Variants in TF observed in about 807,000 individuals in gnomAD.
The protein encoded by TF is transferrin.
TF carries 55 observed loss-of-function variants against 82.4 expected under a neutral mutation model. The ratio of observed to expected loss-of-function variants is 0.67; its 90% CI spans 0.54 to 0.84. TF has a LOEUF of 0.84. TF is among the 40% of genes least tolerant of loss of function. TF has a pLI of 0.00. For synonymous variants in TF, 332 were observed against 332.6 expected (o/e 1.00, Z 0.02); for missense variants, 737 against 868.4 (o/e 0.85, Z 1.90).
Position 133,778,758 on chromosome 3 carries a change from C to T in TF, c.*138C>T. 1 of 745,684 alleles carries T rather than the reference C, an allele frequency of 1.3e-6. No homozygotes were observed. The highest frequency in any genetic ancestry group is 3.0e-5 in the East Asian group (1 of 33,638). The allele number at this position is 745,684 out of a possible 1,614,324, so 46.2% of individuals were successfully genotyped here. Reference sequence around the variant, plus strand: ...GCTCTGTGTTGCCATGTGTGCTGAACAAAAAATAAAAATTATTATTGATTT... The same window carrying T: ...GCTCTGTGTTGCCATGTGTGCTGAATAAAAAATAAAAATTATTATTGATTT... On this transcript the variant is annotated 3_prime_UTR_variant, in exon 17 of 17. Transcript: ENST00000402696.
the TF span, among the ~76,000 whole-genome samples, chr3:133,675,242 CAAAA>C: frequency 5.1e-4 from 28 of 55,444 alleles, no homozygotes; most frequent in African/African-American, 7.0e-4. Flanking sequence ...GAGACTCTGT[CAAAA>C]AAAAAAAAAA....
At chr3:133,772,498 A>G (rs1352886475) in intron 14 of TF, among the ~76,000 whole-genome samples, 1 of 152,132 alleles carries the variant, frequency 6.6e-6, no homozygotes, top group African/African-American at 2.4e-5. Flanking sequence ...TGGCATTGCA[A>G]TTGTATTTTT....
chr3:133,695,877 G>C, the TF span, among the ~76,000 whole-genome samples: 2 of 152,168 alleles, frequency 1.3e-5, no homozygotes, highest in South Asian at 2.1e-4. Flanking sequence ...CTAACAGGTA[G>C]GTAACGTAGA....
At chr3:133,709,071 G>A in the TF span, among the ~76,000 whole-genome samples, 2 of 152,106 alleles carry the variant, frequency 1.3e-5, no homozygotes, top group African/African-American at 4.8e-5. Context: ...TGTGACCAAG[G>A]GATAGGAAGC....
chr3:133,776,550 A>G (rs560832924), intron 15 of TF, among the ~76,000 whole-genome samples: 1 of 152,356 alleles, frequency 6.6e-6, no homozygotes, highest in South Asian at 2.1e-4. Flanking sequence ...TGCAGTCATC[A>G]TTTCACTTAC....
rs1354125185 is a variant in TF, at chr3:133,781,670, A to C, written c.*3050A>C. On this transcript the variant is annotated 3_prime_UTR_variant, in exon 17 of 17. Coordinates refer to ENST00000402696, the MANE Select transcript of TF (RefSeq NM_001063.4). ...CAACTAAAAAACAAAAGTGAGACAG[A>C]TAAGAAAAATTCTGATGAGAGTGGA... is the stretch of plus-strand genomic sequence containing the variant. 2 of 152,196 alleles carry C rather than the reference A, an allele frequency of 1.3e-5. No individual in the cohort carries two copies. Among genetic ancestry groups the C allele is most frequent in the Non-Finnish European group, 2.9e-5 (2 of 68,046 alleles). The allele number at this position is 152,196 out of a possible 1,614,324, so 9.4% of individuals were successfully genotyped here.
At chr3:133,710,420 GC>G in the TF span, among the ~76,000 whole-genome samples, 2 of 151,986 alleles carry the variant, frequency 1.3e-5, no homozygotes, top group Admixed American at 6.6e-5. Context: ...ATTTACAAGC[GC>G]CCCCACCACT....
At chr3:133,664,521 C>T in the TF span, among the ~76,000 whole-genome samples, 1 of 152,012 alleles carries the variant, frequency 6.6e-6, no homozygotes, top group Non-Finnish European at 1.5e-5. Flanking sequence ...CGGGTTTCAC[C>T]TTGTTGGCCA....
intron 8 of TF, 112 bp from the exon 9 acceptor site, chr3:133,759,063 T>C: frequency 7.3e-7 from 1 of 1,374,762 alleles, no homozygotes; most frequent in South Asian, 1.2e-5. Context: ...TGGGGTCTGT[T>C]TGTTTATTGC....
At chr3:133,706,512 T>G in the TF span, among the ~76,000 whole-genome samples, 1 of 152,266 alleles carries the variant, frequency 6.6e-6, no homozygotes, top group Admixed American at 6.5e-5. Context: ...CCTAGGAGTT[T>G]GTTGGGAACA....
In TF at chr3:133,762,812, ACT is replaced by A. The variant is rs1421870411; in HGVS notation, c.1204-1367_1204-1366del. ...GAATTTAATACACATTACCAGGCAG[ACT>A]CTGAGCGAATGTGTGGAAGAAATGA... On this transcript the variant is annotated intron_variant, in intron 9 of 16. Coordinates refer to ENST00000402696, the MANE Select transcript of TF (RefSeq NM_001063.4). Among the ~76,000 whole-genome samples, 11 of 152,290 alleles carry A rather than the reference ACT, an allele frequency of 7.2e-5. 2 individuals are homozygous for A. Among genetic ancestry groups the A allele is most frequent in the Admixed American group, 7.2e-4 (11 of 15,302 alleles).
At chr3:133,665,865 G>T in the TF span, among the ~76,000 whole-genome samples, 1 of 150,892 alleles carries the variant, frequency 6.6e-6, no homozygotes, top group African/African-American at 2.4e-5. Context: ...AACCCAGGAG[G>T]CGGAGGTTGT....
rs751359749 is a variant in TF, at chr3:133,768,138, A to G, written c.1596A>G (p.Gly532=). ...LNLCEPNNKE[G]YYGYTGAFRC... Reference sequence around the variant, plus strand: ...TGTGTGAACCCAACAACAAAGAGGGATACTACGGCTACACAGGCGCTTTCA... The same window carrying G: ...TGTGTGAACCCAACAACAAAGAGGGGTACTACGGCTACACAGGCGCTTTCA... The change falls in exon 13 of 17, where the codon GGA becomes GGG. Residue 532 remains glycine (G), a synonymous_variant. Coordinates refer to ENST00000402696, the MANE Select transcript of TF (RefSeq NM_001063.4). 6.2e-7 allele frequency: 1 copy of G among 1,614,106 alleles called. No individual in the cohort carries two copies. The highest frequency in any genetic ancestry group is 1.1e-5 in the South Asian group (1 of 91,068).
At chr3:133,682,523 T>C in the TF span, among the ~76,000 whole-genome samples, 1 of 152,170 alleles carries the variant, frequency 6.6e-6, no homozygotes, top group South Asian at 2.1e-4. Flanking sequence ...AATGACCTGA[T>C]GGAGCTGAAA....
intron 3 of TF, chr3:133,754,197 G>A (rs1933759985): frequency 4.4e-6 from 2 of 453,288 alleles, no homozygotes; most frequent in Non-Finnish European, 4.1e-6. Flanking sequence ...GGTGGCTGAG[G>A]TTGGTAGGTG....
At chr3:133,771,081 G>A in intron 14 of TF, 1 of 165,034 alleles carries the variant, frequency 6.1e-6, no homozygotes, top group Non-Finnish European at 1.3e-5. Flanking sequence ...TGGCTTGTAA[G>A]TACTCTTCTT....
chr3:133,749,086 G>A (rs143873505), intron 2 of TF, among the ~76,000 whole-genome samples: 2,264 of 152,232 alleles, frequency 0.015, 32 homozygotes, highest in Non-Finnish European at 0.019. Context: ...ACTTGAACCG[G>A]GGAGGCAGAG....
chr3:133,684,362 C>T, the TF span, among the ~76,000 whole-genome samples: 2 of 152,030 alleles, frequency 1.3e-5, no homozygotes, highest in East Asian at 3.9e-4. Flanking sequence ...CAGAGCAGAA[C>T]TGAAGGAGAT....
Position 133,787,123 on chromosome 3 carries a change from T to G in TF, c.*8503T>G, listed in dbSNP as rs1261991557. The G allele has an allele frequency of 6.6e-6, 1 of 152,226 alleles. No individual in the cohort carries two copies. The highest frequency in any genetic ancestry group is 1.9e-4 in the East Asian group (1 of 5,200). 9.4% of individuals were successfully genotyped at this position (152,226 alleles called of 1,614,324 possible). ...CTGTTTTGTGCATTTTGTTTTGCTGTGTATGTAGAGTACATAATGGACAAA... is the reference window on the plus strand; with the variant it reads ...CTGTTTTGTGCATTTTGTTTTGCTGGGTATGTAGAGTACATAATGGACAAA... On this transcript the variant is annotated 3_prime_UTR_variant, in exon 17 of 17. Coordinates refer to ENST00000402696, the MANE Select transcript of TF (RefSeq NM_001063.4).
Sources: allele counts gnomAD v4.1 joint callset (sites outside exome capture counted in the v4.1 genomes callset), GRCh38; gene constraint gnomAD v4.1.1; transcripts MANE v1.5; gene names NCBI Gene and HGNC (gene_info 2026-07-23, HGNC 2026-07-21).